Variants in EXOC3L2 observed in about 807,000 individuals in gnomAD.
EXOC3L2 encodes the protein exocyst complex component 3 like 2.
EXOC3L2 carries 17 observed loss-of-function variants against 44.4 expected under a neutral mutation model. The observed-to-expected ratio is 0.38, with a 90% confidence interval of 0.26 to 0.57. The LOEUF is 0.57. Ranked by LOEUF, EXOC3L2 falls within the 20% of genes least tolerant of loss-of-function variation. The pLI, the probability that EXOC3L2 is intolerant of heterozygous loss-of-function variation, is 0.65. For missense variants in EXOC3L2, 541 were observed against 588.4 expected, an observed-to-expected ratio of 0.92 and a Z score of 0.83; for synonymous variants, 256 against 253.7, an observed-to-expected ratio of 1.01 and a Z score of -0.09.
chr19:45,228,142 C>G (rs1459672279), intron 5 of EXOC3L2, 23 bp downstream of exon 5: 1 of 1,613,782 alleles, frequency 6.2e-7, no homozygotes, highest in African/African-American at 1.3e-5. Context: ...CAGCCCATCC[C>G]CCAGCCTCCC....
At chr19:45,224,626 A>C in intron 8 of EXOC3L2, 152 bp downstream of exon 8, 1 of 1,222,442 alleles carries the variant, frequency 8.2e-7, no homozygotes, top group South Asian at 1.7e-5. Context: ...CACTCCACCA[A>C]CAGCCCAGGC....
chr19:45,238,640 G>A lies in EXOC3L2; in HGVS notation c.406C>T (p.Arg136Cys), dbSNP rs927351149. 5 of 399,114 alleles carry A rather than the reference G, an allele frequency of 1.3e-5. No homozygotes were observed. The highest frequency in any genetic ancestry group is 2.2e-5 in the Non-Finnish European group (5 of 226,052). 24.7% of individuals were successfully genotyped at this position (399,114 alleles called of 1,614,324 possible). ...GACGCACGCTGGGGCTTGGATCCACGCCCCAGTCTCAGGAAGGCCAGTCTC... is the reference window on the plus strand; with the variant it reads ...GACGCACGCTGGGGCTTGGATCCACACCCCAGTCTCAGGAAGGCCAGTCTC... The part of the protein sequence containing the change: ...ARRLAFLRLG[R>C]GSKPQRASLA... The change falls in exon 2 of 12, where the codon CGT (arginine) becomes TGT (cysteine). Residue 136 changes from arginine (R) to cysteine (C), a missense_variant. Coordinates refer to ENST00000413988, the MANE Select transcript of EXOC3L2 (RefSeq NM_001382422.1). This position sits in a 1 kb window ranked among gnomAD's most constrained non-coding sequence, Gnocchi z 5.5.
At chr19:45,217,166 C>A (rs983892187) in intron 10 of EXOC3L2, among the ~76,000 whole-genome samples, 1 of 152,062 alleles carries the variant, frequency 6.6e-6, no homozygotes, top group Admixed American at 6.6e-5. Flanking sequence ...GGATTACAGG[C>A]GTGAGCCACC....
Position 45,227,710 on chromosome 19 carries a change from G to T in EXOC3L2, c.1535C>A (p.Thr512Asn). 6.2e-7 allele frequency: 1 copy of T among 1,613,208 alleles called. No homozygotes were observed. The highest frequency in any genetic ancestry group is 8.5e-7 in the Non-Finnish European group (1 of 1,179,884). ...NPAVREMLPDTYISKTIALVN... is the reference protein window; with the variant it reads ...NPAVREMLPDNYISKTIALVN... ...CAGGGCGATGGTCTTGCTGATATAG[G>T]TGTCAGGTAGCATCTCCCGGACTGC... The change falls in exon 7 of 12, where the codon ACC becomes AAC. Residue 512 changes from threonine to asparagine, a missense_variant. By Grantham distance (65) the Thr-to-Asn change is moderately conservative (BLOSUM62 0). Coordinates refer to ENST00000413988, the MANE Select transcript of EXOC3L2 (RefSeq NM_001382422.1).
At chr19:45,242,169 C>T (rs949825119) in intron 1 of EXOC3L2, among the ~76,000 whole-genome samples, 4 of 152,152 alleles carry the variant, frequency 2.6e-5, no homozygotes, top group Non-Finnish European at 4.4e-5. Flanking sequence ...TTCAAACATT[C>T]GGAAAAGTAC....
At chr19:45,229,020 G>A (rs1357117927) in intron 4 of EXOC3L2, among the ~76,000 whole-genome samples, 1 of 151,666 alleles carries the variant, frequency 6.6e-6, no homozygotes, top group Non-Finnish European at 1.5e-5. Context: ...GCAGTGAGCC[G>A]AGATTGTGCC....
chr19:45,230,161 C>G (rs1219232553), intron 4 of EXOC3L2, among the ~76,000 whole-genome samples: 1 of 151,874 alleles, frequency 6.6e-6, no homozygotes, highest in East Asian at 1.9e-4. Flanking sequence ...GCTGAGACTA[C>G]AGGCACGTGC....
chr19:45,226,747 C>CTTTTTTT lies in EXOC3L2; in HGVS notation c.1583+908_1583+914dup, dbSNP rs957385712. ...CACTGTGCCCAGCTGACTCCCATCT[C>CTTTTTTT]TTTTTTTTTTTTTTTTTTTTTTTGA... On this transcript the variant is annotated intron_variant, in intron 7 of 11. Transcript: ENST00000413988. Among the ~76,000 whole-genome samples the CTTTTTTT allele has an allele frequency of 4.6e-4, 42 of 90,654 alleles. 4 individuals carry two copies. The highest frequency in any genetic ancestry group is 2.2e-3 in the African/African-American group (35 of 16,270). The allele number at this position is 90,654 out of a possible 152,430, so 59.5% of individuals were successfully genotyped here. A position where few individuals can be genotyped will look rare whatever the true frequency, so the allele number is the denominator to read the frequency against.
chr19:45,218,079 C>T, intron 9 of EXOC3L2, 118 bp downstream of exon 9: 1 of 1,353,926 alleles, frequency 7.4e-7, no homozygotes, highest in Non-Finnish European at 9.8e-7. Context: ...GGGTTTCCTC[C>T]AGCAGGAGCG....
At chr19:45,242,122 G>T (rs1179583715) in intron 1 of EXOC3L2, among the ~76,000 whole-genome samples, 1 of 152,238 alleles carries the variant, frequency 6.6e-6, no homozygotes, top group Non-Finnish European at 1.5e-5. Context: ...GAGCCCTGCA[G>T]AGCCACAGAT....
At chr19:45,224,078 G>A (rs1969927941) in intron 8 of EXOC3L2, among the ~76,000 whole-genome samples, 2 of 151,908 alleles carry the variant, frequency 1.3e-5, no homozygotes, top group South Asian at 4.2e-4. Flanking sequence ...AAGGGCAAGT[G>A]CAAAGGCCCT....
At position 45,216,124 on chromosome 19, in the gene EXOC3L2, G is replaced by T; in HGVS notation, c.2069C>A (p.Pro690His). 3 of 1,614,014 alleles carry T rather than the reference G, an allele frequency of 1.9e-6. No homozygotes were observed. The highest frequency in any genetic ancestry group is 2.5e-6 in the Non-Finnish European group (3 of 1,180,008). The change falls in exon 11 of 12, where the codon CCC becomes CAC. Residue 690 changes from proline (P) to histidine (H), a missense_variant. Pro to His is a moderately conservative substitution (Grantham distance 77, BLOSUM62 -2). Transcript: ENST00000413988. ...CACTCCCACCTCCACCTGGATGCTG[G>T]GCGTGTCTTCCAGCTGCATGACTTC... ...LAEVMQLEDT[P>H]SIQVEVGVLV...
chr19:45,220,524 AAAT>A (rs1287375200), intron 8 of EXOC3L2, among the ~76,000 whole-genome samples: 2 of 152,156 alleles, frequency 1.3e-5, no homozygotes, highest in East Asian at 1.9e-4. Flanking sequence ...CCAAAACAAA[AAAT>A]AATAATAACT....
chr19:45,242,459 C>T (rs1376302582), intron 1 of EXOC3L2, among the ~76,000 whole-genome samples: 1 of 152,094 alleles, frequency 6.6e-6, no homozygotes, highest in East Asian at 1.9e-4. Context: ...GCTATATTGC[C>T]CATGCTGGTC....
intron 1 of EXOC3L2, among the ~76,000 whole-genome samples, chr19:45,243,786 C>T (rs551153075): frequency 6.6e-5 from 10 of 152,236 alleles, no homozygotes; most frequent in African/African-American, 1.4e-4. Flanking sequence ...CCCACCACCA[C>T]GCCTGGCTAA....
Position 45,218,401 on chromosome 19 carries a change from C to T in EXOC3L2, c.1720-82G>A. 2 of 1,449,568 alleles carry T rather than the reference C, an allele frequency of 1.4e-6. 1 individual carries two copies. Among genetic ancestry groups the T allele is most frequent in the South Asian group, 2.9e-5 (2 of 70,164 alleles). The allele number at this position is 1,449,568 out of a possible 1,614,324, so 89.8% of individuals were successfully genotyped here. On this transcript the variant is annotated intron_variant, in intron 8 of 11. Coordinates refer to ENST00000413988, the MANE Select transcript of EXOC3L2 (RefSeq NM_001382422.1). ...TTAGGAATAAGTTCCTGCAACCCTGCTCCGTGTTGAACCAGGGCTGTGCGG... is the reference window on the plus strand; with the variant it reads ...TTAGGAATAAGTTCCTGCAACCCTGTTCCGTGTTGAACCAGGGCTGTGCGG...
chr19:45,241,229 G>A (rs944004338), intron 1 of EXOC3L2, among the ~76,000 whole-genome samples: 1 of 152,048 alleles, frequency 6.6e-6, no homozygotes, highest in African/African-American at 2.4e-5. Context: ...AGTGGCTCAC[G>A]CCTGTAATCC....
At chr19:45,245,112 C>T (rs923581327) in intron 1 of EXOC3L2, among the ~76,000 whole-genome samples, 2 of 152,038 alleles carry the variant, frequency 1.3e-5, no homozygotes, top group East Asian at 1.9e-4. Flanking sequence ...TTGTGGACCC[C>T]GCGAGTCCTC....
chr19:45,223,201 G>T (rs346760), intron 8 of EXOC3L2, among the ~76,000 whole-genome samples: 1 of 151,998 alleles, frequency 6.6e-6, no homozygotes, highest in Non-Finnish European at 1.5e-5. Context: ...CATCCTGGCC[G>T]ACATGGTGAA....
Sources: gnomAD v4.1 joint callset for allele counts (sites outside exome capture counted in the v4.1 genomes callset) on GRCh38, gnomAD v4.1.1 for gene constraint, Gnocchi (gnomAD v3.1) non-coding constraint, MANE v1.5 for transcripts, NCBI Gene and HGNC (gene_info 2026-07-23, HGNC 2026-07-21) for gene names.